Variants in HS6ST3 observed in about 807,000 individuals in gnomAD.
HS6ST3 encodes the protein heparan sulfate 6-O-sulfotransferase 3.
Under a neutral mutation model 36.7 loss-of-function variants are expected in HS6ST3, and 12 were observed. That is an observed-to-expected ratio of 0.33 (90% confidence interval 0.21 to 0.53). HS6ST3 has a LOEUF of 0.53. HS6ST3 is among the 20% of genes least tolerant of loss of function. HS6ST3 has a pLI of 0.95. For missense variants in HS6ST3, 584 were observed against 640.9 expected (o/e 0.91, Z 0.96); for synonymous variants, 240 against 257.5 (o/e 0.93, Z 0.65).
chr13:96,754,508 T>A (rs1286766766), intron 1 of HS6ST3, among the ~76,000 whole-genome samples: 5 of 152,216 alleles, frequency 3.3e-5, no homozygotes, highest in African/African-American at 1.2e-4. Flanking sequence ...ACCAAGGGTA[T>A]AACTACATGA....
At chr13:96,383,869 G>A (rs1039843896) in intron 1 of HS6ST3, among the ~76,000 whole-genome samples, 1 of 152,144 alleles carries the variant, frequency 6.6e-6, no homozygotes, top group African/African-American at 2.4e-5. Context: ...GCCCAAGTTT[G>A]GGGGAGCCCT....
chr13:96,163,465 G>A (rs924477160), intron 1 of HS6ST3, among the ~76,000 whole-genome samples: 4 of 151,818 alleles, frequency 2.6e-5, no homozygotes, highest in African/African-American at 7.3e-5. Context: ...TCCTGACCTC[G>A]TGATCCGCCC....
intron 1 of HS6ST3, among the ~76,000 whole-genome samples, chr13:96,509,540 T>A (rs898934352): frequency 3.9e-5 from 6 of 152,196 alleles, no homozygotes; most frequent in Non-Finnish European, 7.4e-5. Context: ...AAGATAGGGA[T>A]CCAGTTTCAT....
In HS6ST3 at chr13:96,603,386, A is replaced by G. The variant is rs549663949; in HGVS notation, c.708-229104A>G. 1.3e-3 allele frequency among the ~76,000 whole-genome samples: 199 copies of G among 152,274 alleles called. 1 individual carries two copies. The Middle Eastern group carries it at 0.014, about 10-fold the overall frequency. ...AACTTTATGTTTGTGATGTTCACCTATGTTGTTTTTCTTGTGGTAGTTCAT... is the reference window on the plus strand; with the variant it reads ...AACTTTATGTTTGTGATGTTCACCTGTGTTGTTTTTCTTGTGGTAGTTCAT... On this transcript the variant is annotated intron_variant, in intron 1 of 1. Coordinates refer to ENST00000376705, the MANE Select transcript of HS6ST3 (RefSeq NM_153456.4).
At chr13:96,138,409 T>A (rs2054013284) in intron 1 of HS6ST3, among the ~76,000 whole-genome samples, 1 of 46,970 alleles carries the variant, frequency 2.1e-5, no homozygotes, top group South Asian at 6.0e-4. Flanking sequence ...TAAATATATA[T>A]TTACAGTTTA....
chr13:96,301,262 ATCT>A (rs2054880360), intron 1 of HS6ST3, among the ~76,000 whole-genome samples: 1 of 152,230 alleles, frequency 6.6e-6, no homozygotes, highest in South Asian at 2.1e-4. Context: ...ATATTTGCCA[ATCT>A]TATATACCTT....
chr13:96,334,174 A>G (rs2055087440), intron 1 of HS6ST3, among the ~76,000 whole-genome samples: 1 of 152,110 alleles, frequency 6.6e-6, no homozygotes, highest in African/African-American at 2.4e-5. Flanking sequence ...TATAGTAGTG[A>G]TAGAGTTTGA....
chr13:96,433,644 C>A (rs1209465382), intron 1 of HS6ST3, among the ~76,000 whole-genome samples: 3 of 152,122 alleles, frequency 2.0e-5, no homozygotes. Flanking sequence ...TCTATTAAAC[C>A]TCTTTCCTGG....
chr13:96,289,524 A>G (rs957812851), intron 1 of HS6ST3, among the ~76,000 whole-genome samples: 2 of 152,324 alleles, frequency 1.3e-5, no homozygotes, highest in African/African-American at 2.4e-5. Flanking sequence ...ACAACTGGCA[A>G]TCAAAATAAA....
At chr13:96,104,757 C>G (rs997160819) in intron 1 of HS6ST3, among the ~76,000 whole-genome samples, 2 of 152,170 alleles carry the variant, frequency 1.3e-5, no homozygotes, top group Admixed American at 6.5e-5. Flanking sequence ...TCCATGGATA[C>G]CACAATAAAG....
At chr13:96,098,403 G>T (rs2053801770) in intron 1 of HS6ST3, among the ~76,000 whole-genome samples, 1 of 152,166 alleles carries the variant, frequency 6.6e-6, no homozygotes, top group Non-Finnish European at 1.5e-5. Context: ...GAGAACAATA[G>T]AAAGATATGA....
chr13:96,126,191 A>C (rs895228677), intron 1 of HS6ST3, among the ~76,000 whole-genome samples: 1 of 152,148 alleles, frequency 6.6e-6, no homozygotes, highest in Non-Finnish European at 1.5e-5. Context: ...CACATCTGCT[A>C]GTCAGCCCCC....
intron 1 of HS6ST3, among the ~76,000 whole-genome samples, chr13:96,442,995 A>G (rs747002282): frequency 3.3e-5 from 5 of 152,074 alleles, no homozygotes; most frequent in Non-Finnish European, 7.3e-5. Flanking sequence ...AAATTGAGCA[A>G]TATTAGGTAA....
chr13:96,598,188 G>A (rs970327258), intron 1 of HS6ST3, among the ~76,000 whole-genome samples: 1 of 151,922 alleles, frequency 6.6e-6, no homozygotes, highest in African/African-American at 2.4e-5. Flanking sequence ...TTTCAGGATT[G>A]TTTTTCTAAT....
rs1360973604 is a variant in HS6ST3, at chr13:96,832,710, C to A, written c.928C>A (p.Gln310Lys). The change falls in exon 2 of 2, where the codon CAG becomes AAG. Residue 310 changes from glutamine to lysine, a missense_variant. Transcript: ENST00000376705. ...CACCTACAACCTGGCTAACAATCGC[C>A]AGGTGCGCATGCTGGCTGACCTCAG... ...DCTYNLANNR[Q>K]VRMLADLSLV... 2.5e-6 allele frequency: 4 copies of A among 1,613,978 alleles called. No homozygotes were observed. The highest frequency in any genetic ancestry group is 3.4e-6 in the Non-Finnish European group (4 of 1,179,928).
intron 1 of HS6ST3, among the ~76,000 whole-genome samples, chr13:96,098,930 C>A (rs1048260116): frequency 6.6e-6 from 1 of 152,076 alleles, no homozygotes; most frequent in Non-Finnish European, 1.5e-5. Context: ...TCATCTCATG[C>A]ATATATGTTT....
intron 1 of HS6ST3, among the ~76,000 whole-genome samples, chr13:96,657,052 T>G (rs1252141907): frequency 6.6e-6 from 1 of 151,200 alleles, no homozygotes; most frequent in African/African-American, 2.4e-5. Context: ...TGTGCACATG[T>G]GTCTTACCCT....
rs150689540 is a variant in HS6ST3, at chr13:96,258,840, C to T, written c.707+167271C>T. 3.0e-3 allele frequency among the ~76,000 whole-genome samples: 455 copies of T among 152,112 alleles called. 3 individuals carry two copies. Among genetic ancestry groups the T allele is most frequent in the African/African-American group, 0.01 (434 of 41,500 alleles). On this transcript the variant is annotated intron_variant, in intron 1 of 1. Coordinates refer to ENST00000376705, the MANE Select transcript of HS6ST3 (RefSeq NM_153456.4). The stretch of plus-strand genomic sequence containing the variant: ...TAAGGACTTGAGAAATAGTGATGAA[C>T]GTAGCATGATCTCTTCCCTATAGGT...
chr13:96,428,100 A>G (rs1298937531), intron 1 of HS6ST3, among the ~76,000 whole-genome samples: 1 of 152,192 alleles, frequency 6.6e-6, no homozygotes, highest in Non-Finnish European at 1.5e-5. Flanking sequence ...GCTGCCATAG[A>G]AAGTATCACA....
Sources: gnomAD v4.1 joint callset for allele counts (sites outside exome capture counted in the v4.1 genomes callset) on GRCh38, gnomAD v4.1.1 for gene constraint, MANE v1.5 for transcripts, NCBI Gene and HGNC (gene_info 2026-07-23, HGNC 2026-07-21) for gene names.